Variants in EXD3 observed in about 807,000 individuals in gnomAD.
EXD3 encodes the protein exonuclease mut-7 homolog.
A neutral mutation model predicts 98.0 loss-of-function variants in EXD3; 92 were observed. The observed-to-expected ratio is 0.94, with a 90% CI of 0.79 to 1.12. EXD3 has a LOEUF of 1.12. EXD3 is among the 50% of genes most tolerant of loss of function. EXD3 has a pLI of 0.00. For missense variants in EXD3, 1,222 were observed against 1,191.6 expected (o/e 1.03, Z -0.38); for synonymous variants, 569 against 526.0 (o/e 1.08, Z -1.12).
intron 19 of EXD3, among the ~76,000 whole-genome samples, chr9:137,315,924 C>A (rs1301308764): frequency 6.6e-6 from 1 of 151,236 alleles, no homozygotes; most frequent in Non-Finnish European, 1.5e-5. Flanking sequence ...CTCCGGGGCG[C>A]CCCCACACCG....
chr9:137,340,634 C>T (rs1373057989), intron 17 of EXD3, among the ~76,000 whole-genome samples: 1 of 151,900 alleles, frequency 6.6e-6, no homozygotes, highest in East Asian at 1.9e-4. Flanking sequence ...TTCAAGTGAT[C>T]ATCCCACCTC....
intron 19 of EXD3, 105 bp downstream of exon 19, chr9:137,323,620 C>A (rs1832211236): frequency 6.8e-7 from 1 of 1,473,688 alleles, no homozygotes; most frequent in East Asian, 2.3e-5. Flanking sequence ...GCCGACACCC[C>A]ACCCCAGACC....
intron 16 of EXD3, 58 bp from the exon 17 acceptor site, chr9:137,348,296 A>C: frequency 5.3e-5 from 82 of 1,548,904 alleles, no homozygotes; most frequent in Non-Finnish European, 6.3e-5. Flanking sequence ...TCACAGCCTC[A>C]GAGAGCCAGG....
chr9:137,323,848 G>T lies in EXD3; in HGVS notation c.2061C>A (p.Ala687=). The part of the protein sequence containing the change: ...TSGQPFHKLR[A]QVGAGRCLSV... ...AGAGGCAGCGCCCAGCCCCGACCTG[G>T]GCCCGGAGCTGCAAAGACACGGCTC... Residue 687 remains alanine (A), a synonymous_variant, in exon 19 of 22, where the codon GCC becomes GCA. Coordinates refer to ENST00000340951, the MANE Select transcript of EXD3 (RefSeq NM_017820.5). 1.2e-6 allele frequency: 2 copies of T among 1,610,912 alleles called. No individual in the cohort carries two copies. Among genetic ancestry groups the T allele is most frequent in the Non-Finnish European group, 8.5e-7 (1 of 1,179,400 alleles).
At chr9:137,318,622 ACCCTGCCCCAGAGGGCACGG>A (rs1398435913) in intron 19 of EXD3, among the ~76,000 whole-genome samples, 4 of 149,940 alleles carry the variant, frequency 2.7e-5, no homozygotes, top group Admixed American at 1.3e-4. Context: ...CCCCACCCCC[ACCCTGCCCCAGAGGGCACGG>A]CCCTGCCCTC....
chr9:137,349,859 A>G lies in EXD3; in HGVS notation c.1495-328T>C, dbSNP rs896300646. 1.3e-5 allele frequency among the ~76,000 whole-genome samples: 2 copies of G among 152,024 alleles called. No individual in the cohort carries two copies. Among genetic ancestry groups the G allele is most frequent in the African/African-American group, 4.8e-5 (2 of 41,392 alleles). On this transcript the variant is annotated intron_variant, in intron 14 of 21. Transcript: ENST00000340951. The surrounding 1 kb of genome is among the most constrained non-coding windows in gnomAD (Gnocchi z 7.4). ...CTCTCTGTCTCTGTTTTATCTTCAG[A>G]AGAGGAGCACTGGGTGTGCCGTGCA...
At chr9:137,314,038 G>A (rs533807438) in intron 19 of EXD3, among the ~76,000 whole-genome samples, 1 of 152,108 alleles carries the variant, frequency 6.6e-6, no homozygotes, top group Non-Finnish European at 1.5e-5. Context: ...AAGCCCCTGG[G>A]TGGGTCCTGA....
chr9:137,353,226 T>A, intron 10 of EXD3: 1 of 978,546 alleles, frequency 1.0e-6, no homozygotes, highest in South Asian at 4.7e-5. Flanking sequence ...TCCACTGACC[T>A]TTCCAGCCTC....
In EXD3 at chr9:137,395,798, T is replaced by A. The variant is rs1588418442; in HGVS notation, c.-47-394A>T. On this transcript the variant is annotated intron_variant, in intron 1 of 21. Transcript: ENST00000340951. This position sits in a 1 kb window ranked among gnomAD's most constrained non-coding sequence, Gnocchi z 6.5. ...CTGAGGGAGCCACATGGGAGAGAGG[T>A]GCTCTCCTCCAGAGGGCAAGGGCGC... Among the ~76,000 whole-genome samples, 1 of 151,726 alleles carries A rather than the reference T, an allele frequency of 6.6e-6. No individual in the cohort carries two copies. Among genetic ancestry groups the A allele is most frequent in the Admixed American group, 6.6e-5 (1 of 15,252 alleles).
intron 1 of EXD3, among the ~76,000 whole-genome samples, chr9:137,408,323 A>C (rs1432877548): frequency 6.6e-6 from 1 of 151,824 alleles, no homozygotes; most frequent in Non-Finnish European, 1.5e-5. Context: ...CTGAGGCGGG[A>C]GGATCACGAG....
intron 3 of EXD3, among the ~76,000 whole-genome samples, chr9:137,378,236 T>C (rs1297989584): frequency 6.6e-6 from 1 of 151,752 alleles, no homozygotes; most frequent in Non-Finnish European, 1.5e-5. Context: ...TGAGATGGAG[T>C]CTCACTCTGT....
rs888010891 is a variant in EXD3 at position 137,403,702 on chromosome 9, T to G, written c.-47-8298A>C. Among the ~76,000 whole-genome samples, 2 of 152,138 alleles carry G rather than the reference T, an allele frequency of 1.3e-5. No individual in the cohort carries two copies. Among genetic ancestry groups the G allele is most frequent in the Non-Finnish European group, 2.9e-5 (2 of 68,022 alleles). On this transcript the variant is annotated intron_variant, in intron 1 of 21. Transcript: ENST00000340951. The surrounding 1 kb of genome is among the most constrained non-coding windows in gnomAD (Gnocchi z 6.1). Reference sequence around the variant, plus strand: ...CCGAGATCCAGGGTCTTAGGGCTCCTCCCAGCAGGGCAGACCCAGCCACGC... The same window carrying G: ...CCGAGATCCAGGGTCTTAGGGCTCCGCCCAGCAGGGCAGACCCAGCCACGC...
intron 7 of EXD3, 137 bp downstream of exon 7, chr9:137,366,356 T>A (rs758232212): frequency 2.2e-5 from 27 of 1,250,982 alleles, no homozygotes; most frequent in African/African-American, 3.0e-5. Context: ...TGCAGTCACA[T>A]GGCAGCTGTG....
intron 1 of EXD3, among the ~76,000 whole-genome samples, chr9:137,399,806 G>A (rs1351758009): frequency 6.6e-6 from 1 of 152,186 alleles, no homozygotes; most frequent in Non-Finnish European, 1.5e-5. Flanking sequence ...GGGAGGCTGA[G>A]GCGGGCAGTT....
intron 17 of EXD3, among the ~76,000 whole-genome samples, chr9:137,342,192 C>T (rs1234231981): frequency 1.3e-4 from 1 of 7,802 alleles, no homozygotes; most frequent in African/African-American, 5.9e-4. Context: ...GGCTCAGGCA[C>T]CAGGAGCCGT....
At position 137,351,064 on chromosome 9, in the gene EXD3, TG is replaced by T; in HGVS notation, c.1467del (p.Met490TrpfsTer26). 1 of 1,571,718 alleles carries T rather than the reference TG, an allele frequency of 6.4e-7. No individual in the cohort carries two copies. The highest frequency in any genetic ancestry group is 8.6e-7 in the Non-Finnish European group (1 of 1,159,496). ...LAHVEKQILG[G>X]MDLLLVHRQM... is the part of the protein sequence containing the mutation. ...TGTCTGTGCACCAGCAGCAGGTCCA[TG>T]CCGCCCAGAATCTGCTTCTCCACAT... On this transcript the variant is annotated frameshift_variant, in exon 14 of 22. Transcript: ENST00000340951. LOFTEE classifies it high-confidence loss of function.
chr9:137,405,569 C>T lies in EXD3; in HGVS notation c.-47-10165G>A, dbSNP rs1348212583. ...TTTACGTCTCATGGTTCAAGAAATG[C>T]CAGGCTCTGGGCTGAGAGGCAGAAG... is the stretch of plus-strand genomic sequence containing the variant. On this transcript the variant is annotated intron_variant, in intron 1 of 21. Transcript: ENST00000340951. The surrounding 1 kb of genome is among the most constrained non-coding windows in gnomAD (Gnocchi z 4.1). 1.3e-5 allele frequency among the ~76,000 whole-genome samples: 2 copies of T among 152,228 alleles called. No homozygotes were observed. The highest frequency in any genetic ancestry group is 2.1e-4 in the South Asian group (1 of 4,832).
intron 5 of EXD3, among the ~76,000 whole-genome samples, chr9:137,369,832 T>C (rs1054782113): frequency 3.3e-5 from 5 of 152,222 alleles, no homozygotes; most frequent in African/African-American, 1.2e-4. Context: ...AGCCCTTCTC[T>C]TCACCACGGC....
chr9:137,356,180 C>T (rs891745027), intron 8 of EXD3, 88 bp downstream of exon 8: 3 of 999,740 alleles, frequency 3.0e-6, no homozygotes, highest in African/African-American at 1.6e-5. Flanking sequence ...ACCTGAACAA[C>T]GGGCAGCCCC....
Sources: allele counts gnomAD v4.1 joint callset (sites outside exome capture counted in the v4.1 genomes callset), GRCh38; gene constraint gnomAD v4.1.1; non-coding constraint Gnocchi (gnomAD v3.1); transcripts MANE v1.5; gene names NCBI Gene and HGNC (gene_info 2026-07-23, HGNC 2026-07-21).